Variants in NALF1 observed in about 807,000 individuals in gnomAD.
NALF1 encodes the protein family with sequence similarity 155 member A.
A neutral mutation model predicts 48.4 loss-of-function variants in NALF1; 3 were observed. The observed-to-expected ratio is 0.06, with a 90% CI of 0.03 to 0.16. The LOEUF is 0.16. Among genes scored for constraint, NALF1 ranks in the 10% least tolerant of loss-of-function variants. The pLI, the probability that NALF1 is intolerant of heterozygous loss-of-function variation, is 1.00. For missense variants in NALF1, 526 were observed against 571.5 expected (o/e 0.92, Z 0.81); for synonymous variants, 262 against 245.7 (o/e 1.07, Z -0.62).
intron 1 of NALF1, among the ~76,000 whole-genome samples, chr13:107,394,800 T>C (rs1323499266): frequency 6.6e-6 from 1 of 152,024 alleles, no homozygotes; most frequent in African/African-American, 2.4e-5. Flanking sequence ...GTTGAGTGGA[T>C]GCTAGCAGCC....
intron 1 of NALF1, among the ~76,000 whole-genome samples, chr13:107,415,817 C>A (rs1409910135): frequency 1.3e-5 from 2 of 152,144 alleles, no homozygotes; most frequent in Non-Finnish European, 2.9e-5. Context: ...TGATGTGGCA[C>A]TTTAATAGGT....
At chr13:107,795,474 T>C (rs928212132) in intron 1 of NALF1, among the ~76,000 whole-genome samples, 2 of 152,150 alleles carry the variant, frequency 1.3e-5, no homozygotes, top group African/African-American at 4.8e-5. Context: ...TGCTTCCTCC[T>C]AGAACCTCAC....
At chr13:107,301,753 T>G (rs1238806985) in intron 1 of NALF1, among the ~76,000 whole-genome samples, 4 of 152,224 alleles carry the variant, frequency 2.6e-5, no homozygotes, top group African/African-American at 9.6e-5. Flanking sequence ...ATATTTGATA[T>G]GTATTATTCT....
chr13:107,810,928 T>C (rs180765378), intron 1 of NALF1, among the ~76,000 whole-genome samples: 2 of 152,280 alleles, frequency 1.3e-5, no homozygotes, highest in Admixed American at 6.5e-5. Context: ...TTAACTTCTG[T>C]ACAATTCTCC....
chr13:107,596,419 C>T (rs957777426), intron 1 of NALF1, among the ~76,000 whole-genome samples: 5 of 152,236 alleles, frequency 3.3e-5, no homozygotes, highest in African/African-American at 1.2e-4. Flanking sequence ...TTGGAAACAA[C>T]CCAAATGCTC....
intron 1 of NALF1, among the ~76,000 whole-genome samples, chr13:107,428,380 G>A (rs1440293162): frequency 1.3e-5 from 2 of 152,210 alleles, no homozygotes; most frequent in Non-Finnish European, 2.9e-5. Flanking sequence ...TGGGAGCTTT[G>A]AGGCGATCTA....
intron 1 of NALF1, among the ~76,000 whole-genome samples, chr13:107,820,829 G>T (rs1429397679): frequency 6.6e-6 from 1 of 152,140 alleles, no homozygotes; most frequent in Non-Finnish European, 1.5e-5. Context: ...GTTATTTCAT[G>T]ATCTAGTCCA....
rs193142939 is a variant in NALF1 at position 107,399,394 on chromosome 13, C to G, written c.916-188639G>C. 6.6e-5 allele frequency among the ~76,000 whole-genome samples: 10 copies of G among 152,132 alleles called. No individual in the cohort carries two copies. In the East Asian group the frequency reaches 1.7e-3, roughly 26 times the overall value. ...AAAATGATCAACATTCATAACGCAT[C>G]TAACCTATACTGTACTTTCCTAAAA... On this transcript the variant is annotated intron_variant, in intron 1 of 2. Transcript: ENST00000375915.
chr13:107,389,850 T>C lies in NALF1; in HGVS notation c.916-179095A>G, dbSNP rs1883591830. 2.0e-5 allele frequency among the ~76,000 whole-genome samples: 3 copies of C among 152,174 alleles called. No individual in the cohort carries two copies. The South Asian group carries it at 6.2e-4, about 31-fold the overall frequency. ...TTCAAGGACGTAAATTTATAATATA[T>C]ACGTAATTTGATGTGACAGTTACTG... On this transcript the variant is annotated intron_variant, in intron 1 of 2. Coordinates refer to ENST00000375915, the MANE Select transcript of NALF1 (RefSeq NM_001080396.3).
chr13:107,278,132 G>C (rs1409259397), intron 1 of NALF1, among the ~76,000 whole-genome samples: 1 of 152,186 alleles, frequency 6.6e-6, no homozygotes. Context: ...TGATGATCAG[G>C]TCACCACTCA....
chr13:107,786,764 G>C (rs569588623), intron 1 of NALF1, among the ~76,000 whole-genome samples: 4 of 152,176 alleles, frequency 2.6e-5, no homozygotes, highest in African/African-American at 9.6e-5. Flanking sequence ...GAAAGAGAGA[G>C]AGAATATATG....
At chr13:107,184,557 T>A (rs565632706) in intron 2 of NALF1, among the ~76,000 whole-genome samples, 2 of 152,322 alleles carry the variant, frequency 1.3e-5, no homozygotes, top group Non-Finnish European at 1.5e-5. Flanking sequence ...CATATTTGCA[T>A]GTTTTCCTTT....
intron 1 of NALF1, among the ~76,000 whole-genome samples, chr13:107,768,610 A>G (rs1053874309): frequency 6.6e-6 from 1 of 152,174 alleles, no homozygotes; most frequent in Non-Finnish European, 1.5e-5. Flanking sequence ...TTAACATCTG[A>G]TAAGCAAATG....
intron 1 of NALF1, among the ~76,000 whole-genome samples, chr13:107,368,167 C>T (rs9301215): frequency 0.12 from 17,789 of 152,036 alleles, 1,205 homozygotes; most frequent in East Asian, 0.21. Flanking sequence ...AGGGTTATTG[C>T]CCCATACTAA....
intron 1 of NALF1, among the ~76,000 whole-genome samples, chr13:107,400,179 C>T (rs1202034107): frequency 6.6e-6 from 1 of 152,000 alleles, no homozygotes; most frequent in East Asian, 1.9e-4. Flanking sequence ...TGCAATCAGG[C>T]ATATTAACAT....
At chr13:107,358,988 C>T (rs1348301464) in intron 1 of NALF1, among the ~76,000 whole-genome samples, 1 of 152,062 alleles carries the variant, frequency 6.6e-6, no homozygotes, top group Non-Finnish European at 1.5e-5. Flanking sequence ...TTTTGGAGAT[C>T]CTGAACTATT....
chr13:107,714,242 T>C (rs1410966364), intron 1 of NALF1, among the ~76,000 whole-genome samples: 1 of 152,222 alleles, frequency 6.6e-6, no homozygotes, highest in East Asian at 1.9e-4. Flanking sequence ...ATAAGTGCAT[T>C]TGTATAATGC....
At position 107,237,533 on chromosome 13, in the gene NALF1, T is replaced by C. The variant is rs1020974751; in HGVS notation, c.916-26778A>G. On this transcript the variant is annotated intron_variant, in intron 1 of 2. Transcript: ENST00000375915. ...GGGTAGCATTTGCATATAACCTAAG[T>C]ACATCTTTCTGTATACATTAAATCA... 2.0e-5 allele frequency among the ~76,000 whole-genome samples: 3 copies of C among 152,198 alleles called. No individual in the cohort carries two copies. In the East Asian group the frequency reaches 5.8e-4, roughly 29 times the overall value.
In NALF1 at chr13:107,510,534, A is replaced by T. The variant is rs1423956814; in HGVS notation, c.916-299779T>A. 3.3e-5 allele frequency among the ~76,000 whole-genome samples: 5 copies of T among 152,318 alleles called. No homozygotes were observed. In the East Asian group the frequency reaches 9.7e-4, roughly 29 times the overall value. ...ATTAAGTACTGAATATTTTTCAGACACCACATTACATACTTTAAAACCTGT... is the reference window on the plus strand; with the variant it reads ...ATTAAGTACTGAATATTTTTCAGACTCCACATTACATACTTTAAAACCTGT... On this transcript the variant is annotated intron_variant, in intron 1 of 2. Transcript: ENST00000375915.
Sources: gnomAD v4.1 joint callset for allele counts (sites outside exome capture counted in the v4.1 genomes callset) on GRCh38, gnomAD v4.1.1 for gene constraint, MANE v1.5 for transcripts, NCBI Gene and HGNC (gene_info 2026-07-23, HGNC 2026-07-21) for gene names.